The following ERBB4 variants were observed in gnomAD, a reference collection of about 807,000 sequenced individuals.
ERBB4 encodes the protein receptor tyrosine-protein kinase erbB-4.
Under a neutral mutation model 158.0 loss-of-function variants are expected in ERBB4, and 42 were observed. The observed-to-expected ratio is 0.27, with a 90% CI of 0.21 to 0.34. ERBB4 has a LOEUF of 0.34. ERBB4 is among the 10% of genes least tolerant of loss of function. ERBB4 has a pLI of 1.00. For missense variants in ERBB4, 1,333 were observed against 1,624.1 expected, an observed-to-expected ratio of 0.82 and a Z score of 3.08; for synonymous variants, 583 against 558.7, an observed-to-expected ratio of 1.04 and a Z score of -0.61.
intron 2 of ERBB4, among the ~76,000 whole-genome samples, chr2:212,055,093 C>A (rs2077514439): frequency 6.6e-6 from 1 of 152,168 alleles, no homozygotes; most frequent in Admixed American, 6.5e-5. Context: ...AATCGGGTCA[C>A]TCCCACCCTA....
chr2:212,189,130 C>A (rs2082116328), intron 1 of ERBB4, among the ~76,000 whole-genome samples: 1 of 150,878 alleles, frequency 6.6e-6, no homozygotes, highest in South Asian at 2.1e-4. Flanking sequence ...AGTTTAGCAT[C>A]CTAATCTGAA....
intron 15 of ERBB4, 46 bp from the exon 16 acceptor site, chr2:211,657,874 GACATGCACAC>G (rs1289292203): frequency 6.2e-7 from 1 of 1,603,526 alleles, no homozygotes; most frequent in Non-Finnish European, 8.5e-7. Flanking sequence ...CATCCACAGT[GACATGCACAC>G]ACATGCACCA....
At chr2:212,167,329 T>C (rs747524637) in intron 1 of ERBB4, among the ~76,000 whole-genome samples, 3 of 151,878 alleles carry the variant, frequency 2.0e-5, no homozygotes, top group South Asian at 2.1e-4. Context: ...CCAACAAACA[T>C]ATGAAAAAAA....
intron 1 of ERBB4, among the ~76,000 whole-genome samples, chr2:212,382,809 A>T (rs544438676): frequency 6.6e-6 from 1 of 151,404 alleles, no homozygotes; most frequent in South Asian, 2.1e-4. Context: ...ATTGCTAGAG[A>T]AGTTAAACAA....
intron 13 of ERBB4, among the ~76,000 whole-genome samples, chr2:211,677,736 T>A (rs2072141507): frequency 1.3e-5 from 2 of 151,580 alleles, no homozygotes; most frequent in South Asian, 4.2e-4. Context: ...TAGCCGGGCG[T>A]GGTGGCGGGC....
chr2:211,415,886 A>G (rs1431669561), intron 25 of ERBB4, among the ~76,000 whole-genome samples: 1 of 152,206 alleles, frequency 6.6e-6, no homozygotes, highest in Non-Finnish European at 1.5e-5. Flanking sequence ...GGAAGAGGAA[A>G]ATGCAAATAA....
At chr2:211,450,921 T>C (rs1478110032) in intron 20 of ERBB4, among the ~76,000 whole-genome samples, 1 of 152,230 alleles carries the variant, frequency 6.6e-6, no homozygotes, top group African/African-American at 2.4e-5. Context: ...CATGCTGTAT[T>C]CTCTACCCTT....
intron 19 of ERBB4, among the ~76,000 whole-genome samples, chr2:211,581,451 GC>G (rs1334756656): frequency 1.3e-5 from 2 of 152,092 alleles, no homozygotes; most frequent in Non-Finnish European, 2.9e-5. Flanking sequence ...ACATCTACCT[GC>G]CTGCTCACCT....
At chr2:211,981,977 T>A (rs2081812127) in intron 2 of ERBB4, among the ~76,000 whole-genome samples, 1 of 152,260 alleles carries the variant, frequency 6.6e-6, no homozygotes, top group East Asian at 1.9e-4. Context: ...ATACCATATT[T>A]TGGAATAAAT....
rs1440498628 is a variant in ERBB4, at chr2:211,772,854, T to TACACACACAC, written c.556+15170_556+15171insGTGTGTGTGT. On this transcript the variant is annotated intron_variant, in intron 4 of 27. Coordinates refer to ENST00000342788, the MANE Select transcript of ERBB4 (RefSeq NM_005235.3). The stretch of plus-strand genomic sequence containing the variant: ...ATATATACACATATATATATATATA[T>TACACACACAC]ATATATATATATATACACATATATA... Among the ~76,000 whole-genome samples, 21 of 59,684 alleles carry TACACACACAC rather than the reference T, an allele frequency of 3.5e-4. 1 individual carries two copies. The highest frequency in any genetic ancestry group is 1.5e-3 in the African/African-American group (20 of 13,360). 39.2% of individuals were successfully genotyped at this position (59,684 alleles called of 152,430 possible). A position where few individuals can be genotyped will look rare whatever the true frequency, so the allele number is the denominator to read the frequency against.
At chr2:212,057,975 A>C (rs2077633301) in intron 2 of ERBB4, among the ~76,000 whole-genome samples, 1 of 152,084 alleles carries the variant, frequency 6.6e-6, no homozygotes, top group Admixed American at 6.6e-5. Flanking sequence ...CCCTTCAAAA[A>C]ATCAATGAAT....
rs540067622 is a variant in ERBB4, at chr2:211,700,399, T to C, written c.1489+1568A>G. 2.9e-4 allele frequency among the ~76,000 whole-genome samples: 44 copies of C among 152,312 alleles called. No homozygotes were observed. The South Asian group carries it at 8.9e-3, about 31-fold the overall frequency. Reference sequence around the variant, plus strand: ...TTTTGATACACAATTAGATTTTACATTTCGTGATTCTATGTGGAACATGAG... The same window carrying C: ...TTTTGATACACAATTAGATTTTACACTTCGTGATTCTATGTGGAACATGAG... On this transcript the variant is annotated intron_variant, in intron 12 of 27. Coordinates refer to ENST00000342788, the MANE Select transcript of ERBB4 (RefSeq NM_005235.3).
chr2:211,617,588 C>T (rs976580183), intron 19 of ERBB4, among the ~76,000 whole-genome samples: 2 of 152,040 alleles, frequency 1.3e-5, no homozygotes, highest in Admixed American at 1.3e-4. Flanking sequence ...ATGAAACCAA[C>T]CAATCCGAAA....
At chr2:211,537,126 T>A (rs973499570) in intron 20 of ERBB4, among the ~76,000 whole-genome samples, 3 of 151,990 alleles carry the variant, frequency 2.0e-5, no homozygotes, top group African/African-American at 4.8e-5. Context: ...AATTAAAATT[T>A]TAAAAAATCA....
chr2:212,033,657 A>G, intron 2 of ERBB4, among the ~76,000 whole-genome samples: 1 of 152,030 alleles, frequency 6.6e-6, no homozygotes, highest in African/African-American at 2.4e-5. Flanking sequence ...AACATTTACA[A>G]TATAAGTATT....
At chr2:212,298,396 A>T (rs1385176003) in intron 1 of ERBB4, among the ~76,000 whole-genome samples, 2 of 151,804 alleles carry the variant, frequency 1.3e-5, no homozygotes, top group Admixed American at 6.6e-5. Context: ...GTTAGGAATT[A>T]AAAAACAATA....
chr2:212,332,563 C>A (rs2088229043), intron 1 of ERBB4, among the ~76,000 whole-genome samples: 1 of 151,978 alleles, frequency 6.6e-6, no homozygotes, highest in African/African-American at 2.4e-5. Flanking sequence ...CTTTTAAAAT[C>A]TATAATTAAT....
At chr2:212,200,763 T>G (rs2082565738) in intron 1 of ERBB4, among the ~76,000 whole-genome samples, 1 of 152,196 alleles carries the variant, frequency 6.6e-6, no homozygotes, top group African/African-American at 2.4e-5. Context: ...GAATATCACA[T>G]TTCCTCCATA....
At chr2:212,283,488 G>A (rs1159277749) in intron 1 of ERBB4, among the ~76,000 whole-genome samples, 2 of 151,898 alleles carry the variant, frequency 1.3e-5, no homozygotes, top group Non-Finnish European at 1.5e-5. Flanking sequence ...CAAATATCCT[G>A]AAATGTATCT....
Sources: allele counts gnomAD v4.1 joint callset (sites outside exome capture counted in the v4.1 genomes callset), GRCh38; gene constraint gnomAD v4.1.1; transcripts MANE v1.5; gene names NCBI Gene and HGNC (gene_info 2026-07-23, HGNC 2026-07-21).